Variants in ATR observed in about 807,000 individuals in gnomAD.
ATR encodes the protein ATR checkpoint kinase.
Under a neutral mutation model 305.3 loss-of-function variants are expected in ATR, and 142 were observed. The observed-to-expected ratio is 0.47, with a 90% CI of 0.41 to 0.53. The LOEUF (loss-of-function observed/expected upper bound fraction) is 0.53, where lower values mean the gene tolerates loss of function less well. ATR is among the 20% of genes least tolerant of loss of function. The probability of loss-of-function intolerance (pLI) is 0.00; values close to 1 mark genes in which losing one functional copy is unlikely to be tolerated. For missense variants in ATR, 2,135 were observed against 3,133.1 expected (o/e 0.68, Z 7.60); for synonymous variants, 1,050 against 1,068.1 (o/e 0.98, Z 0.33).
chr3:142,536,464 T>G (rs1197224282), intron 19 of ATR, among the ~76,000 whole-genome samples: 1 of 152,206 alleles, frequency 6.6e-6, no homozygotes, highest in African/African-American at 2.4e-5. Context: ...TACAGTCCCT[T>G]CCTCTTCAAG....
chr3:142,496,325 T>TAC lies in ATR; in HGVS notation c.5898+35_5898+36insGT, dbSNP rs779839333. The TAC allele has an allele frequency of 1.7e-4, 62 of 355,230 alleles. 4 individuals carry two copies. The African/African-American group carries it at 1.8e-3, about 10-fold the overall frequency. 22.0% of individuals were successfully genotyped at this position (355,230 alleles called of 1,614,324 possible). ...ATATATATATATATATATATATATA[T>TAC]ATATATATATATGATGACATTTCCC... On this transcript the variant is annotated intron_variant, in intron 34 of 46. Coordinates refer to ENST00000350721, the MANE Select transcript of ATR (RefSeq NM_001184.4).
intron 36 of ATR, among the ~76,000 whole-genome samples, chr3:142,479,760 A>G (rs950362584): frequency 6.6e-6 from 1 of 152,032 alleles, no homozygotes; most frequent in African/African-American, 2.4e-5. Context: ...ACATAGTCCC[A>G]TATTTCTTGG....
chr3:142,530,134 T>G (rs1354539572), intron 21 of ATR, among the ~76,000 whole-genome samples: 1 of 152,132 alleles, frequency 6.6e-6, no homozygotes, highest in Admixed American at 6.5e-5. Flanking sequence ...CTCCTTTATC[T>G]CATTTTTCTT....
At chr3:142,463,229 ATACTT>A (rs1170499030) in intron 41 of ATR, among the ~76,000 whole-genome samples, 2 of 152,192 alleles carry the variant, frequency 1.3e-5, no homozygotes, top group African/African-American at 2.4e-5. Context: ...ATGTAACAAA[ATACTT>A]TAATTAAAGT....
In ATR at chr3:142,578,626, C is replaced by T. The variant is rs1291457861; in HGVS notation, c.59+20G>A. On this transcript the variant is annotated intron_variant, in intron 1 of 46. Transcript: ENST00000350721. ...AATCAGCGGAGGAGGATGCAGGACC[C>T]AGGCTGGGCCTAGCCCTACCTGCCC... 6.2e-7 allele frequency: 1 copy of T among 1,609,136 alleles called. No homozygotes were observed. Among genetic ancestry groups the T allele is most frequent in the Non-Finnish European group, 8.5e-7 (1 of 1,177,952 alleles).
chr3:142,561,469 T>C, intron 4 of ATR, 48 bp from the exon 5 acceptor site: 1 of 1,521,222 alleles, frequency 6.6e-7, no homozygotes, highest in Non-Finnish European at 8.9e-7. Context: ...AGAAAATATA[T>C]TTATATTATT....
At chr3:142,451,034 G>A (rs2070777696) in intron 46 of ATR, 1 of 1,266,144 alleles carries the variant, frequency 7.9e-7, no homozygotes, top group Middle Eastern at 2.9e-4. Context: ...AGACACCAGT[G>A]AATATGAATC....
chr3:142,496,490 G>A lies in ATR; in HGVS notation c.5769C>T (p.Cys1923=), dbSNP rs1408053518. 6.2e-7 allele frequency: 1 copy of A among 1,611,090 alleles called. No homozygotes were observed. Among genetic ancestry groups the A allele is most frequent in the East Asian group, 2.2e-5 (1 of 44,730 alleles). The change falls in exon 34 of 47, where the codon TGC becomes TGT. Residue 1923 remains cysteine, a synonymous_variant. Coordinates refer to ENST00000350721, the MANE Select transcript of ATR (RefSeq NM_001184.4). ...TAGCTACCCTGGCACTCTGCAGCCA[G>A]CATTCTCCAACCATTTCATTGTAAT... The part of the protein sequence containing the change: ...RPDYNEMVGE[C]WLQSARVARK...
chr3:142,496,594 TA>T, intron 33 of ATR, 74 bp from the exon 34 acceptor site: 2 of 1,493,720 alleles, frequency 1.3e-6, no homozygotes, highest in South Asian at 1.1e-5. Context: ...TAAAACAATT[TA>T]AATCTAGGTC....
In ATR at chr3:142,562,465, T is replaced by C; in HGVS notation, c.937A>G (p.Ile313Val). 1 of 1,614,168 alleles carries C rather than the reference T, an allele frequency of 6.2e-7. No homozygotes were observed. Residue 313 changes from isoleucine (I) to valine (V), a missense_variant, in exon 4 of 47, where the codon ATT becomes GTT. By Grantham distance (29) the Ile-to-Val change is conservative (BLOSUM62 3). Transcript: ENST00000350721. ...FPFEAEAYRN[I>V]EPVYLNMLLE... ...AGCATATTTAAATAGACAGGTTCAATATTTCTATAAGCTTCTGCTTCAAAG... is the reference window on the plus strand; with the variant it reads ...AGCATATTTAAATAGACAGGTTCAACATTTCTATAAGCTTCTGCTTCAAAG...
At chr3:142,486,853 T>C (rs2030957972) in intron 35 of ATR, among the ~76,000 whole-genome samples, 2 of 150,238 alleles carry the variant, frequency 1.3e-5, no homozygotes, top group Admixed American at 6.7e-5. Flanking sequence ...AGATGGCTTA[T>C]GCTTGTAATC....
chr3:142,449,347 A>G lies in ATR; in HGVS notation c.*82T>C. 3 of 1,321,932 alleles carry G rather than the reference A, an allele frequency of 2.3e-6. No homozygotes were observed. Among genetic ancestry groups the G allele is most frequent in the South Asian group, 1.2e-5 (1 of 81,522 alleles). The allele number at this position is 1,321,932 out of a possible 1,614,324, so 81.9% of individuals were successfully genotyped here. A position where few individuals can be genotyped will look rare whatever the true frequency, so the allele number is the denominator to read the frequency against. ...AGAACGTAAATTTATGTTGTACTTT[A>G]GAATTGAACAGATACAACCACAGAT... On this transcript the variant is annotated 3_prime_UTR_variant, in exon 47 of 47. Transcript: ENST00000350721.
chr3:142,493,897 T>C (rs902534265), intron 34 of ATR, among the ~76,000 whole-genome samples: 2 of 148,666 alleles, frequency 1.3e-5, no homozygotes, highest in African/African-American at 5.0e-5. Flanking sequence ...CTAGGCATGA[T>C]GGCTTATGCT....
At chr3:142,550,949 G>A (rs1301850494) in intron 13 of ATR, among the ~76,000 whole-genome samples, 2 of 152,006 alleles carry the variant, frequency 1.3e-5, no homozygotes, top group Non-Finnish European at 2.9e-5. Flanking sequence ...CCCATGCCCG[G>A]TTAATTTTTG....
Position 142,461,735 on chromosome 3 carries a change from A to T in ATR, c.7192+205T>A, listed in dbSNP as rs75944669. On this transcript the variant is annotated intron_variant, in intron 42 of 46. Coordinates refer to ENST00000350721, the MANE Select transcript of ATR (RefSeq NM_001184.4). ...CCTCAAATCCTGTTGGGATGAAGAC[A>T]GGGAAGGAATCAAAATGGAAGGAAG... Among the ~76,000 whole-genome samples the T allele has an allele frequency of 0.018, 2,719 of 152,258 alleles. 29 individuals are homozygous for T. The highest frequency in any genetic ancestry group is 0.041 in the South Asian group (196 of 4,822).
At position 142,553,811 on chromosome 3, in the gene ATR, CA is replaced by C; in HGVS notation, c.2532+13del. On this transcript the variant is annotated intron_variant, in intron 11 of 46. Coordinates refer to ENST00000350721, the MANE Select transcript of ATR (RefSeq NM_001184.4). Reference sequence around the variant, plus strand: ...TTGACGTAAACTCAAATGTTAAAAACAAAAATTATCAACCTCCTTTATAAAT... The same window carrying C: ...TTGACGTAAACTCAAATGTTAAAAACAAAATTATCAACCTCCTTTATAAAT... 1 of 1,612,498 alleles carries C rather than the reference CA, an allele frequency of 6.2e-7. No individual in the cohort carries two copies. The highest frequency in any genetic ancestry group is 8.5e-7 in the Non-Finnish European group (1 of 1,178,996).
rs56873611 is a variant in ATR, at chr3:142,553,433, A to AACACAC, written c.2634-41_2634-36dup. On this transcript the variant is annotated intron_variant, in intron 12 of 46. Transcript: ENST00000350721. ...AAAACAACATACATATGAATACACA[A>AACACAC]ACACACACACACACACACACACACA... 2.9e-4 allele frequency: 413 copies of AACACAC among 1,404,488 alleles called. 2 individuals are homozygous for AACACAC. The African/African-American group carries it at 3.1e-3, about 10-fold the overall frequency. The allele number at this position is 1,404,488 out of a possible 1,614,324, so 87.0% of individuals were successfully genotyped here.
chr3:142,512,727 T>C (rs1469303784), intron 26 of ATR, among the ~76,000 whole-genome samples: 1 of 151,962 alleles, frequency 6.6e-6, no homozygotes, highest in East Asian at 1.9e-4. Context: ...TGGTGGCACA[T>C]GTGTGTAATC....
In ATR at chr3:142,556,060, C is replaced by G. The variant is rs143633875; in HGVS notation, c.2158G>C (p.Gly720Arg). 1 of 1,613,824 alleles carries G rather than the reference C, an allele frequency of 6.2e-7. No individual in the cohort carries two copies. The highest frequency in any genetic ancestry group is 2.2e-5 in the East Asian group (1 of 44,854). ...ILGQLVCTLHGMFYLTSSLTE... is the reference protein window; with the variant it reads ...ILGQLVCTLHRMFYLTSSLTE... Reference sequence around the variant, plus strand: ...AAAGAACTTGTCAGATAAAACATGCCGTGAAGAGTACAGACAAGTTGACCA... The same window carrying G: ...AAAGAACTTGTCAGATAAAACATGCGGTGAAGAGTACAGACAAGTTGACCA... The change falls in exon 10 of 47, where the codon GGC becomes CGC. Residue 720 changes from glycine to arginine, a missense_variant. Around this residue, in one of 9 missense-constraint regions of ATR, gnomAD observed 744 missense variants for 873.2 expected, o/e 0.85. Coordinates refer to ENST00000350721, the MANE Select transcript of ATR (RefSeq NM_001184.4).
Sources: allele counts gnomAD v4.1 joint callset (sites outside exome capture counted in the v4.1 genomes callset), GRCh38; gene constraint gnomAD v4.1.1; regional missense constraint gnomAD v4.1.1; transcripts MANE v1.5; gene names NCBI Gene and HGNC (gene_info 2026-07-23, HGNC 2026-07-21).